AFG2A: variants seen among roughly 807,000 people sequenced by gnomAD.
AFG2A encodes the protein AAA ATPase AFG2A, also known as ATPase family gene 2 protein homolog A.
At chr4:123,117,310 A>C in the AFG2A span, among the ~76,000 whole-genome samples, 1 of 151,822 alleles carries the variant, frequency 6.6e-6, no homozygotes, top group Admixed American at 6.6e-5. Flanking sequence ...CAGTGGAAGG[A>C]TGTATATGTA....
the AFG2A span, among the ~76,000 whole-genome samples, chr4:123,265,865 T>G: frequency 3.3e-5 from 5 of 152,032 alleles, no homozygotes; most frequent in African/African-American, 1.2e-4. Context: ...TCCACCTTAT[T>G]TCTCTTCTTC....
chr4:123,092,944 A>AG, the AFG2A span, among the ~76,000 whole-genome samples: 9 of 152,130 alleles, frequency 5.9e-5, no homozygotes, highest in African/African-American at 2.2e-4. Context: ...GTCCCTTTGG[A>AG]GGGCTCATCT....
chr4:123,028,646 T>C, the AFG2A span, among the ~76,000 whole-genome samples: 3 of 152,232 alleles, frequency 2.0e-5, no homozygotes, highest in Non-Finnish European at 4.4e-5. Context: ...GTATTTCTTA[T>C]ATCCATGTGT....
At chr4:123,059,049 G>C in the AFG2A span, among the ~76,000 whole-genome samples, 2 of 152,062 alleles carry the variant, frequency 1.3e-5, no homozygotes, top group East Asian at 3.9e-4. Flanking sequence ...TTCCAAATGG[G>C]AGAAATTGGT....
the AFG2A span, among the ~76,000 whole-genome samples, chr4:122,944,315 C>G: frequency 6.6e-6 from 1 of 151,866 alleles, no homozygotes; most frequent in South Asian, 2.1e-4. Context: ...TCCCATATTT[C>G]TTGGATGCTT....
At chr4:123,122,072 G>C in the AFG2A span, among the ~76,000 whole-genome samples, 1 of 151,918 alleles carries the variant, frequency 6.6e-6, no homozygotes, top group Non-Finnish European at 1.5e-5. Flanking sequence ...TTGTTGTTTT[G>C]CTGCCTCACC....
At chr4:123,300,198 T>C in the AFG2A span, among the ~76,000 whole-genome samples, 1 of 152,162 alleles carries the variant, frequency 6.6e-6, no homozygotes, top group Non-Finnish European at 1.5e-5. Context: ...CATTAAATAA[T>C]AGACAATGAT....
the AFG2A span, among the ~76,000 whole-genome samples, chr4:122,955,054 G>A: frequency 3.3e-5 from 5 of 152,074 alleles, no homozygotes; most frequent in East Asian, 1.9e-4. Flanking sequence ...TACTGAGTCC[G>A]TGTTAACTTC....
chr4:123,079,745 C>CTTTTTTTTTTTT, the AFG2A span, among the ~76,000 whole-genome samples: 3 of 72,658 alleles, frequency 4.1e-5, no homozygotes, highest in Non-Finnish European at 4.8e-5. Context: ...TCTTTTCCTT[C>CTTTTTTTTTTTT]TTTTTTTTTT....
At chr4:123,203,271 C>T in the AFG2A span, among the ~76,000 whole-genome samples, 4 of 152,044 alleles carry the variant, frequency 2.6e-5, no homozygotes, top group Admixed American at 1.3e-4. Flanking sequence ...CTGCCCCAGC[C>T]TCCTGAGTAG....
At chr4:123,251,680 T>C in the AFG2A span, among the ~76,000 whole-genome samples, 1 of 152,154 alleles carries the variant, frequency 6.6e-6, no homozygotes, top group African/African-American at 2.4e-5. Flanking sequence ...TTTAAATATG[T>C]ATTTACTGAA....
chr4:122,935,647 C>A, the AFG2A span: 1 of 1,465,614 alleles, frequency 6.8e-7, no homozygotes, highest in East Asian at 2.4e-5. Flanking sequence ...CATGTTTGAA[C>A]TTGTATGACA....
chr4:122,937,680 A>G, the AFG2A span, among the ~76,000 whole-genome samples: 1 of 152,204 alleles, frequency 6.6e-6, no homozygotes, highest in Non-Finnish European at 1.5e-5. Flanking sequence ...GAGAATTCAC[A>G]TCTGTTTATG....
chr4:123,223,392 G>A, the AFG2A span, among the ~76,000 whole-genome samples: 1 of 151,888 alleles, frequency 6.6e-6, no homozygotes, highest in African/African-American at 2.4e-5. Context: ...GGTTGTATTG[G>A]TCCACTCTCA....
the AFG2A span, among the ~76,000 whole-genome samples, chr4:122,972,249 C>T: frequency 1.3e-5 from 2 of 151,826 alleles, no homozygotes; most frequent in African/African-American, 4.8e-5. Context: ...TTTTTTTCCC[C>T]TAGAAACTTG....
At chr4:123,283,117 AC>A in the AFG2A span, among the ~76,000 whole-genome samples, 1 of 152,136 alleles carries the variant, frequency 6.6e-6, no homozygotes, top group Non-Finnish European at 1.5e-5. Context: ...TTCTATATTC[AC>A]CATCTCTCTG....
the AFG2A span, among the ~76,000 whole-genome samples, chr4:122,969,728 T>C: frequency 6.6e-6 from 1 of 152,212 alleles, no homozygotes; most frequent in African/African-American, 2.4e-5. Flanking sequence ...TTCCTTCATT[T>C]TATTTTAGAT....
At chr4:123,293,926 A>G in the AFG2A span, among the ~76,000 whole-genome samples, 2 of 152,270 alleles carry the variant, frequency 1.3e-5, no homozygotes, top group Non-Finnish European at 2.9e-5. Context: ...TGTATCATAG[A>G]TTCTCCCAGT....
chr4:123,107,953 G>A, the AFG2A span, among the ~76,000 whole-genome samples: 22,199 of 152,196 alleles, frequency 0.15, 2,071 homozygotes, highest in East Asian at 0.45. Context: ...AGCCTGCAGG[G>A]GCAGGAGGGC....
Sources: gnomAD v4.1 joint callset for allele counts (sites outside exome capture counted in the v4.1 genomes callset) on GRCh38, gnomAD v4.1.1 for gene constraint, MANE v1.5 for transcripts, NCBI Gene and HGNC (gene_info 2026-07-23, HGNC 2026-07-21) for gene names.